Variants in DNAH7 observed in about 807,000 individuals in gnomAD.
DNAH7 encodes dynein axonemal heavy chain 7.
DNAH7 carries 397 observed loss-of-function variants against 444.6 expected under a neutral mutation model. The ratio of observed to expected loss-of-function variants is 0.89; its 90% CI spans 0.82 to 0.97. The LOEUF (loss-of-function observed/expected upper bound fraction) is 0.97. Among genes scored for constraint, DNAH7 ranks in the 50% least tolerant of loss-of-function variants. The probability of loss-of-function intolerance (pLI) is 0.00; values close to 1 mark genes in which losing one functional copy is unlikely to be tolerated. For missense variants in DNAH7, 4,902 were observed against 4,800.8 expected (o/e 1.02, Z -0.62); for synonymous variants, 1,636 against 1,624.4 (o/e 1.01, Z -0.17).
chr2:196,064,554 A>C (rs1388057476), intron 1 of DNAH7, among the ~76,000 whole-genome samples: 1 of 152,114 alleles, frequency 6.6e-6, no homozygotes, highest in African/African-American at 2.4e-5. Context: ...TGTATCTTCA[A>C]CCCAACTCTT....
At chr2:195,845,655 G>A (rs1173844382) in intron 46 of DNAH7, among the ~76,000 whole-genome samples, 3 of 152,066 alleles carry the variant, frequency 2.0e-5, no homozygotes, top group African/African-American at 7.2e-5. Context: ...TGATACTGGT[G>A]CAAAAACATA....
chr2:195,741,425 C>T (rs1340244930), intron 63 of DNAH7, among the ~76,000 whole-genome samples: 1 of 152,154 alleles, frequency 6.6e-6, no homozygotes, highest in Non-Finnish European at 1.5e-5. Context: ...TCATGTTGTA[C>T]ACTAACAGCT....
At chr2:195,900,656 G>C in intron 27 of DNAH7, 162 bp from the exon 28 acceptor site, 1 of 628,996 alleles carries the variant, frequency 1.6e-6, no homozygotes, top group Non-Finnish European at 2.7e-6. Context: ...GGAAAGGTGA[G>C]GTGGGGCAAT....
intron 9 of DNAH7, 145 bp downstream of exon 9, chr2:196,019,025 T>C: frequency 7.0e-6 from 7 of 993,876 alleles, no homozygotes; most frequent in Non-Finnish European, 9.2e-6. Context: ...ACTTCTTTGT[T>C]GTTTATTTAA....
At position 195,926,519 on chromosome 2, in the gene DNAH7, G is replaced by C. The variant is rs1688345537; in HGVS notation, c.3519C>G (p.Asn1173Lys). 7.5e-6 allele frequency: 12 copies of C among 1,602,130 alleles called. No homozygotes were observed. Among genetic ancestry groups the C allele is most frequent in the African/African-American group, 5.4e-5 (4 of 74,034 alleles). The change falls in exon 22 of 65, where the codon AAC becomes AAG. Residue 1173 changes from asparagine to lysine, a missense_variant. Transcript: ENST00000312428. The stretch of plus-strand genomic sequence containing the variant: ...TCTGTCCAGGCCAATCCCTTACCCA[G>C]TTAATTCGTTCATATTTTGTATAGG... The part of the protein sequence containing the change: ...TFAYTKYERI[N>K]WVRDWPGQTV...
At position 195,923,597 on chromosome 2, in the gene DNAH7, GCCAGTAGTA is replaced by G. The variant is rs1424199471; in HGVS notation, c.3814_3822del (p.Tyr1272_Trp1274del). 6.2e-7 allele frequency: 1 copy of G among 1,613,852 alleles called. No individual in the cohort carries two copies. The highest frequency in any genetic ancestry group is 1.7e-5 in the Admixed American group (1 of 60,008). On this transcript the variant is annotated inframe_deletion, in exon 23 of 65. Coordinates refer to ENST00000312428, the MANE Select transcript of DNAH7 (RefSeq NM_018897.3). ...TAACATTCAGTGATACCACTTACTT[GCCAGTAGTA>G]CCTAAGCTGACTTAACCATTCAAAG... is the stretch of plus-strand genomic sequence containing the variant.
chr2:195,999,123 A>G (rs1205517722), intron 12 of DNAH7: 1 of 717,458 alleles, frequency 1.4e-6, no homozygotes, highest in Non-Finnish European at 2.6e-6. Flanking sequence ...AGCCAAGAAC[A>G]CTGAAGGGTG....
At chr2:195,940,704 G>A (rs901219148) in intron 19 of DNAH7, among the ~76,000 whole-genome samples, 1 of 151,708 alleles carries the variant, frequency 6.6e-6, no homozygotes, top group African/African-American at 2.4e-5. Context: ...ATCAAAAAGT[G>A]GGTGAAGGAT....
Position 195,878,623 on chromosome 2 carries a change from A to G in DNAH7, c.5962-1924T>C, listed in dbSNP as rs79470046. ...TCTCAAAAATAATAAAATAATGAAA[A>G]TAAGAATGCAACACATACATAAGCC... On this transcript the variant is annotated intron_variant, in intron 36 of 64. Coordinates refer to ENST00000312428, the MANE Select transcript of DNAH7 (RefSeq NM_018897.3). 0.019 allele frequency among the ~76,000 whole-genome samples: 2,958 copies of G among 152,264 alleles called. 246 individuals carry two copies. The East Asian group carries it at 0.27, about 14-fold the overall frequency.
intron 7 of DNAH7, among the ~76,000 whole-genome samples, chr2:196,024,801 T>C (rs946280337): frequency 2.6e-5 from 4 of 151,930 alleles, no homozygotes; most frequent in Non-Finnish European, 4.4e-5. Flanking sequence ...AGCTATTCCA[T>C]CAAAAATATT....
intron 33 of DNAH7, among the ~76,000 whole-genome samples, chr2:195,886,818 T>C (rs1259540198): frequency 6.6e-6 from 1 of 152,164 alleles, no homozygotes; most frequent in Non-Finnish European, 1.5e-5. Context: ...CTCCTAGAAC[T>C]ATGTAGCATA....
chr2:195,747,069 T>C (rs1160063224), intron 63 of DNAH7, among the ~76,000 whole-genome samples: 5 of 152,156 alleles, frequency 3.3e-5, no homozygotes, highest in Non-Finnish European at 7.3e-5. Flanking sequence ...GCTGGTTTTT[T>C]TGAAAGCATC....
At chr2:196,025,069 A>G (rs1375871550) in intron 7 of DNAH7, among the ~76,000 whole-genome samples, 3 of 152,248 alleles carry the variant, frequency 2.0e-5, no homozygotes, top group African/African-American at 7.2e-5. Context: ...GATGATTTAA[A>G]GTATACGGGA....
intron 15 of DNAH7, among the ~76,000 whole-genome samples, chr2:195,983,794 A>C (rs1286253678): frequency 6.6e-6 from 1 of 152,252 alleles, no homozygotes; most frequent in Non-Finnish European, 1.5e-5. Flanking sequence ...AGCTTAATAT[A>C]AACAAAATAC....
chr2:196,002,795 G>C (rs1016567833), intron 10 of DNAH7, among the ~76,000 whole-genome samples: 1 of 152,092 alleles, frequency 6.6e-6, no homozygotes. Flanking sequence ...ATCACCTGAG[G>C]TCAGGAGTTC....
chr2:195,759,126 G>A (rs186176985), intron 61 of DNAH7, among the ~76,000 whole-genome samples: 2 of 152,296 alleles, frequency 1.3e-5, no homozygotes, highest in Admixed American at 6.5e-5. Flanking sequence ...AGCTCCAGGA[G>A]AGACTACTTC....
At chr2:195,754,947 A>G (rs1694000240) in intron 62 of DNAH7, among the ~76,000 whole-genome samples, 1 of 152,268 alleles carries the variant, frequency 6.6e-6, no homozygotes, top group South Asian at 2.1e-4. Flanking sequence ...CAGGTGGTAT[A>G]TTCGGTATTT....
At chr2:195,973,474 T>C (rs889876207) in intron 15 of DNAH7, among the ~76,000 whole-genome samples, 1 of 152,122 alleles carries the variant, frequency 6.6e-6, no homozygotes, top group Non-Finnish European at 1.5e-5. Context: ...GTTTTGTTTT[T>C]GTTTTTGTTT....
Position 195,876,717 on chromosome 2 carries a change from A to G in DNAH7, c.5962-18T>C. 2 of 1,487,294 alleles carry G rather than the reference A, an allele frequency of 1.3e-6. No homozygotes were observed. The highest frequency in any genetic ancestry group is 1.2e-5 in the South Asian group (1 of 83,966). The allele number at this position is 1,487,294 out of a possible 1,614,324, so 92.1% of individuals were successfully genotyped here. Reference sequence around the variant, plus strand: ...AGAAAATTCTATATAACAAAATAATAAAATGAGCCATAGTTGGAATTATGT... The same window carrying G: ...AGAAAATTCTATATAACAAAATAATGAAATGAGCCATAGTTGGAATTATGT... On this transcript the variant is annotated intron_variant, in intron 36 of 64. Coordinates refer to ENST00000312428, the MANE Select transcript of DNAH7 (RefSeq NM_018897.3).
Sources: gnomAD v4.1 joint callset for allele counts (sites outside exome capture counted in the v4.1 genomes callset) on GRCh38, gnomAD v4.1.1 for gene constraint, MANE v1.5 for transcripts, NCBI Gene and HGNC (gene_info 2026-07-23, HGNC 2026-07-21) for gene names.